Variants in ULK4 observed in about 807,000 individuals in gnomAD.
The protein encoded by ULK4 is unc-51 like kinase 4, also known as inactive serine/threonine-protein kinase ULK4.
ULK4 carries 133 observed loss-of-function variants against 160.6 expected under a neutral mutation model. That is an observed-to-expected ratio of 0.83 (90% CI 0.72 to 0.96). The LOEUF (loss-of-function observed/expected upper bound fraction) is 0.96. Ranked by LOEUF, ULK4 falls within the 40% of genes least tolerant of loss-of-function variation. The probability of loss-of-function intolerance (pLI) is 0.00; values close to 1 mark genes in which losing one functional copy is unlikely to be tolerated. For synonymous variants in ULK4, 534 were observed against 539.8 expected (o/e 0.99, Z 0.15); for missense variants, 1,580 against 1,499.5 (o/e 1.05, Z -0.89).
intron 30 of ULK4, among the ~76,000 whole-genome samples, chr3:41,625,935 C>T (rs2033484950): frequency 6.6e-6 from 1 of 152,138 alleles, no homozygotes; most frequent in Non-Finnish European, 1.5e-5. Context: ...TTATTTTAGC[C>T]AGCTAAGCAC....
intron 22 of ULK4, among the ~76,000 whole-genome samples, chr3:41,753,068 A>T (rs2038682923): frequency 2.0e-5 from 3 of 152,094 alleles, no homozygotes. Flanking sequence ...TTTAAAAAGT[A>T]TCTGGGCATG....
At chr3:41,772,137 C>A (rs908948157) in intron 21 of ULK4, among the ~76,000 whole-genome samples, 1 of 152,148 alleles carries the variant, frequency 6.6e-6, no homozygotes, top group East Asian at 1.9e-4. Flanking sequence ...CTAAAATTGA[C>A]ACCCTATCAC....
chr3:41,834,251 T>C (rs28590463), intron 18 of ULK4, among the ~76,000 whole-genome samples: 8,841 of 151,882 alleles, frequency 0.058, 468 homozygotes, highest in East Asian at 0.16. Context: ...GCATTCTGTA[T>C]AGAATAAAAG....
chr3:41,845,311 A>C (rs2042044291), intron 17 of ULK4, among the ~76,000 whole-genome samples: 1 of 152,170 alleles, frequency 6.6e-6, no homozygotes, highest in Admixed American at 6.5e-5. Flanking sequence ...ACTGTGATTC[A>C]ACCACACCAC....
intron 32 of ULK4, among the ~76,000 whole-genome samples, chr3:41,491,489 A>C (rs1483511910): frequency 6.6e-6 from 1 of 152,110 alleles, no homozygotes; most frequent in Non-Finnish European, 1.5e-5. Context: ...TAAAATCTAC[A>C]CAAAAATATA....
intron 35 of ULK4, among the ~76,000 whole-genome samples, chr3:41,389,426 G>C (rs530677685): frequency 1.3e-5 from 2 of 152,168 alleles, no homozygotes; most frequent in Non-Finnish European, 2.9e-5. Flanking sequence ...GGAGTGGTGA[G>C]AGAGGGCATT....
intron 35 of ULK4, among the ~76,000 whole-genome samples, chr3:41,266,715 G>A (rs1372103689): frequency 1.3e-5 from 2 of 152,108 alleles, no homozygotes; most frequent in Non-Finnish European, 2.9e-5. Context: ...AAATTCAAAG[G>A]TATTCTTAGA....
intron 35 of ULK4, among the ~76,000 whole-genome samples, chr3:41,362,516 T>A (rs1425092713): frequency 6.6e-6 from 1 of 152,190 alleles, no homozygotes; most frequent in Non-Finnish European, 1.5e-5. Context: ...ACAATGATGA[T>A]GATGGTTAAA....
chr3:41,534,986 T>C (rs1376909429), intron 32 of ULK4, among the ~76,000 whole-genome samples: 1 of 152,202 alleles, frequency 6.6e-6, no homozygotes, highest in Admixed American at 6.5e-5. Context: ...TACATATACA[T>C]ACATATACAC....
At chr3:41,613,313 T>C (rs1167924015) in intron 31 of ULK4, among the ~76,000 whole-genome samples, 1 of 152,220 alleles carries the variant, frequency 6.6e-6, no homozygotes, top group African/African-American at 2.4e-5. Flanking sequence ...TTAGAATTTT[T>C]ATCTTCTTTT....
intron 17 of ULK4, among the ~76,000 whole-genome samples, chr3:41,873,255 A>ATTT (rs1697178005): frequency 8.9e-6 from 1 of 111,968 alleles, no homozygotes; most frequent in African/African-American, 2.9e-5. Flanking sequence ...AAAATGCCCC[A>ATTT]TTTTTCTAAA....
chr3:41,732,184 C>A (rs2037852140), intron 22 of ULK4, among the ~76,000 whole-genome samples: 1 of 151,994 alleles, frequency 6.6e-6, no homozygotes, highest in South Asian at 2.1e-4. Context: ...GGTGAACAGA[C>A]AGGCTACAGA....
Position 41,336,498 on chromosome 3 carries a change from T to C in ULK4, c.3678+61581A>G, listed in dbSNP as rs1038298849. On this transcript the variant is annotated intron_variant, in intron 35 of 36. Transcript: ENST00000301831. The stretch of plus-strand genomic sequence containing the variant: ...GACAAGCACAGAAGTCTACTTCTCC[T>C]CACTGACTCTAAGGGAAGAGTCAAC... 2.0e-5 allele frequency among the ~76,000 whole-genome samples: 3 copies of C among 152,186 alleles called. No homozygotes were observed. In the South Asian group the frequency reaches 6.2e-4, roughly 32 times the overall value.
intron 30 of ULK4, among the ~76,000 whole-genome samples, chr3:41,658,214 GGCAACAT>G (rs1382730354): frequency 6.6e-6 from 1 of 152,116 alleles, no homozygotes; most frequent in Non-Finnish European, 1.5e-5. Context: ...GGGAAAATTT[GGCAACAT>G]CTCTCAAAAT....
chr3:41,520,618 T>C (rs1034098550), intron 32 of ULK4, among the ~76,000 whole-genome samples: 1 of 152,224 alleles, frequency 6.6e-6, no homozygotes, highest in African/African-American at 2.4e-5. Flanking sequence ...TTATTTAACG[T>C]TCTGAGGAAC....
chr3:41,640,197 C>A (rs958099249), intron 30 of ULK4, among the ~76,000 whole-genome samples: 17 of 152,172 alleles, frequency 1.1e-4, no homozygotes, highest in African/African-American at 3.1e-4. Flanking sequence ...TCACCTCCCC[C>A]ACTGGACCAG....
intron 32 of ULK4, among the ~76,000 whole-genome samples, chr3:41,475,240 G>A (rs138732686): frequency 2.4e-3 from 360 of 152,166 alleles, no homozygotes; most frequent in South Asian, 0.014. Flanking sequence ...AACCAGACAC[G>A]GGAAGACAAA....
chr3:41,721,174 T>A (rs1474223918), intron 22 of ULK4, among the ~76,000 whole-genome samples: 1 of 147,592 alleles, frequency 6.8e-6, no homozygotes, highest in African/African-American at 2.5e-5. Context: ...TCCAGAGGGA[T>A]AAATAAGCTA....
chr3:41,766,534 C>T (rs1186973520), intron 21 of ULK4: 1 of 152,230 alleles, frequency 6.6e-6, no homozygotes, highest in African/African-American at 2.4e-5. Flanking sequence ...TAGGAAAAAG[C>T]ACAACCAGAT....
Sources: gnomAD v4.1 joint callset for allele counts (sites outside exome capture counted in the v4.1 genomes callset) on GRCh38, gnomAD v4.1.1 for gene constraint, MANE v1.5 for transcripts, NCBI Gene and HGNC (gene_info 2026-07-23, HGNC 2026-07-21) for gene names.